Variants in ADAMTSL3 observed in about 807,000 individuals in gnomAD.
ADAMTSL3 encodes ADAMTS like 3.
In ADAMTSL3, 128 loss-of-function variants were observed where a neutral mutation model predicts 201.7. The observed-to-expected ratio is 0.63, with a 90% CI of 0.55 to 0.73. ADAMTSL3 has a LOEUF of 0.73. Among genes scored for constraint, ADAMTSL3 ranks in the 30% least tolerant of loss-of-function variants. The pLI, the probability that ADAMTSL3 is intolerant of heterozygous loss-of-function variation, is 0.00. For synonymous variants in ADAMTSL3, 738 were observed against 748.4 expected (o/e 0.99, Z 0.23); for missense variants, 1,990 against 2,119.6 (o/e 0.94, Z 1.20).
chr15:83,908,842 G>C (rs1436924146), intron 15 of ADAMTSL3, among the ~76,000 whole-genome samples: 1 of 152,204 alleles, frequency 6.6e-6, no homozygotes, highest in Non-Finnish European at 1.5e-5. Context: ...TGATGTCTCT[G>C]TTCCAGTTAC....
chr15:83,999,623 A>C (rs1669655675), intron 23 of ADAMTSL3, among the ~76,000 whole-genome samples: 1 of 152,208 alleles, frequency 6.6e-6, no homozygotes, highest in Admixed American at 6.5e-5. Context: ...TGCATGCACA[A>C]ACAAATGATG....
At chr15:83,768,332 A>G (rs1482423139) in intron 3 of ADAMTSL3, among the ~76,000 whole-genome samples, 3 of 152,164 alleles carry the variant, frequency 2.0e-5, no homozygotes, top group East Asian at 3.9e-4. Flanking sequence ...GCTTTTAACT[A>G]TTATGTGATG....
chr15:83,882,121 A>G (rs1345799618), intron 9 of ADAMTSL3, among the ~76,000 whole-genome samples: 1 of 151,988 alleles, frequency 6.6e-6, no homozygotes, highest in Non-Finnish European at 1.5e-5. Flanking sequence ...GCGCCACTGC[A>G]CTCCAGCCTG....
At chr15:83,916,994 C>T (rs1480823) in intron 16 of ADAMTSL3, among the ~76,000 whole-genome samples, 95,455 of 152,074 alleles carry the variant, frequency 0.63, 31,055 homozygotes, top group African/African-American at 0.79. Flanking sequence ...TCTATTTCAA[C>T]GTGGTTCAGT....
chr15:83,894,239 C>A (rs73441337), intron 13 of ADAMTSL3, among the ~76,000 whole-genome samples: 12,529 of 152,162 alleles, frequency 0.082, 1,721 homozygotes, highest in African/African-American at 0.28. Flanking sequence ...TTTCTGATAT[C>A]CCCAGACTAA....
chr15:83,987,940 T>G (rs1399420873), intron 21 of ADAMTSL3, among the ~76,000 whole-genome samples: 1 of 152,116 alleles, frequency 6.6e-6, no homozygotes, highest in Non-Finnish European at 1.5e-5. Context: ...TAAAATAAAA[T>G]AAAAGAACAA....
intron 3 of ADAMTSL3, among the ~76,000 whole-genome samples, chr15:83,717,230 G>A (rs561126151): frequency 6.6e-6 from 1 of 152,164 alleles, no homozygotes; most frequent in Admixed American, 6.5e-5. Context: ...ATCATGCTGG[G>A]TGTATGATAC....
chr15:83,871,074 T>A, intron 9 of ADAMTSL3, 115 bp downstream of exon 9: 1 of 1,181,410 alleles, frequency 8.5e-7, no homozygotes, highest in Non-Finnish European at 1.2e-6. Context: ...ATACAGAGCA[T>A]GTGTCATCAA....
chr15:83,879,125 T>C (rs1567209065), intron 9 of ADAMTSL3, among the ~76,000 whole-genome samples: 2 of 152,328 alleles, frequency 1.3e-5, no homozygotes, highest in East Asian at 3.9e-4. Flanking sequence ...ATTCCTGTCA[T>C]TGACTATTTG....
chr15:83,787,329 T>C (rs1432792448), intron 4 of ADAMTSL3, among the ~76,000 whole-genome samples: 2 of 152,172 alleles, frequency 1.3e-5, no homozygotes, highest in African/African-American at 4.8e-5. Context: ...ACATGATTAT[T>C]GATGTATGGT....
chr15:83,978,512 AG>A (rs1464974721), intron 20 of ADAMTSL3, among the ~76,000 whole-genome samples: 1 of 152,188 alleles, frequency 6.6e-6, no homozygotes, highest in Non-Finnish European at 1.5e-5. Context: ...AGGCTTGGCC[AG>A]TGTTGCTGTT....
At chr15:83,820,129 T>G (rs1366874880) in intron 6 of ADAMTSL3, 82 bp downstream of exon 6, 4 of 1,255,240 alleles carry the variant, frequency 3.2e-6, no homozygotes, top group Non-Finnish European at 4.6e-6. Flanking sequence ...TTCTTCTGTA[T>G]TTTTGTTCAT....
intron 24 of ADAMTSL3, among the ~76,000 whole-genome samples, chr15:84,015,893 T>A (rs2068080240): frequency 6.6e-6 from 1 of 152,194 alleles, no homozygotes; most frequent in Non-Finnish European, 1.5e-5. Flanking sequence ...AAGCAGCTCA[T>A]GACTTTGGTA....
intron 27 of ADAMTSL3, 135 bp from the exon 28 acceptor site, chr15:84,031,200 A>AC: frequency 1.2e-6 from 1 of 810,886 alleles, no homozygotes; most frequent in Non-Finnish European, 2.0e-6. Context: ...ATCCTCTTTA[A>AC]CTCCCCCCTG....
At chr15:83,905,679 C>T (rs1344571178) in intron 15 of ADAMTSL3, among the ~76,000 whole-genome samples, 2 of 152,184 alleles carry the variant, frequency 1.3e-5, no homozygotes, top group Non-Finnish European at 2.9e-5. Context: ...TCCAATTATT[C>T]ACAATGATAA....
intron 9 of ADAMTSL3, among the ~76,000 whole-genome samples, chr15:83,871,654 A>G (rs2065082819): frequency 6.6e-6 from 1 of 152,164 alleles, no homozygotes; most frequent in Non-Finnish European, 1.5e-5. Flanking sequence ...CTCTGGAACC[A>G]TGAGCCTGTG....
chr15:84,031,152 C>G (rs1169251057), intron 27 of ADAMTSL3, among the ~76,000 whole-genome samples, 183 bp from the exon 28 acceptor site: 1 of 152,166 alleles, frequency 6.6e-6, no homozygotes. Flanking sequence ...CTTCCTGACT[C>G]TGAAAAAGAG....
chr15:83,948,208 T>C (rs756791971), intron 19 of ADAMTSL3, among the ~76,000 whole-genome samples: 12 of 152,176 alleles, frequency 7.9e-5, no homozygotes, highest in Non-Finnish European at 1.6e-4. Flanking sequence ...AAGGAAGTAG[T>C]GTGTTGAAGT....
rs530443116 is a variant in ADAMTSL3 at position 84,035,015 on chromosome 15, C to T, written c.4755-1758C>T. Among the ~76,000 whole-genome samples, 4 of 152,274 alleles carry T rather than the reference C, an allele frequency of 2.6e-5. No individual in the cohort carries two copies. The South Asian group carries it at 8.3e-4, about 32-fold the overall frequency. ...CCTGTCCCTGGCCAGGAGGAAGTTA[C>T]GCCCTCTACTGGACAGACCTTGCTT... is the stretch of plus-strand genomic sequence containing the variant. On this transcript the variant is annotated intron_variant, in intron 28 of 29. Transcript: ENST00000286744.
Sources: allele counts gnomAD v4.1 joint callset (sites outside exome capture counted in the v4.1 genomes callset), GRCh38; gene constraint gnomAD v4.1.1; transcripts MANE v1.5; gene names NCBI Gene and HGNC (gene_info 2026-07-23, HGNC 2026-07-21).